ZFP64: variants seen among roughly 807,000 people sequenced by gnomAD.
The protein encoded by ZFP64 is ZFP64 zinc finger protein.
In ZFP64, 14 loss-of-function variants were observed where a neutral mutation model predicts 51.6. The ratio of observed to expected loss-of-function variants is 0.27; its 90% CI spans 0.18 to 0.42. The LOEUF (loss-of-function observed/expected upper bound fraction) is 0.42. ZFP64 is among the 10% of genes least tolerant of loss of function. The pLI, the probability that ZFP64 is intolerant of heterozygous loss-of-function variation, is 1.00. For synonymous variants in ZFP64, 375 were observed against 361.4 expected, an observed-to-expected ratio of 1.04 and a Z score of -0.43; for missense variants, 754 against 906.8, an observed-to-expected ratio of 0.83 and a Z score of 2.16.
chr20:52,088,581 T>C (rs2078889149), exon 8 of ZFP64: 3 of 1,614,224 alleles, frequency 1.9e-6, no homozygotes, highest in Non-Finnish European at 2.5e-6. Context: ...CGCATGTGCA[T>C]GGTCAGGTTG....
intron 5 of ZFP64, among the ~76,000 whole-genome samples, chr20:52,108,160 G>C (rs1041750161): frequency 1.3e-5 from 2 of 152,174 alleles, no homozygotes; most frequent in Admixed American, 1.3e-4. Context: ...TGGAAGCTGA[G>C]GCAGTGAGTC....
intron 5 of ZFP64, among the ~76,000 whole-genome samples, chr20:52,142,380 A>ACACACACACACACGCGCGCGCG (rs1177138816): frequency 4.9e-5 from 4 of 81,458 alleles, no homozygotes; most frequent in Non-Finnish European, 1.1e-4. Context: ...ACACACAGAC[A>ACACACACACACACGCGCGCGCG]CACACACACA....
At position 52,098,314 on chromosome 20, in the gene ZFP64, T is replaced by C. The variant is rs371612405; in HGVS notation, c.913+124A>G. On this transcript the variant is annotated intron_variant, in intron 6 of 8. Coordinates refer to the ZFP64 transcript ENST00000361387. The stretch of plus-strand genomic sequence containing the variant: ...CCCAGGGAAGGCTGTTGTGTGCTGA[T>C]GTAGATACTGGCATGTTGTCAGCAA... 7 of 1,362,042 alleles carry C rather than the reference T, an allele frequency of 5.1e-6. No homozygotes were observed. The African/African-American group carries it at 8.6e-5, about 17-fold the overall frequency. The allele number at this position is 1,362,042 out of a possible 1,614,324, so 84.4% of individuals were successfully genotyped here. A position where few individuals can be genotyped will look rare whatever the true frequency, so the allele number is the denominator to read the frequency against.
At chr20:52,100,000 TTTTC>T (rs1216907054) in intron 5 of ZFP64, among the ~76,000 whole-genome samples, 2 of 152,202 alleles carry the variant, frequency 1.3e-5, no homozygotes, top group Non-Finnish European at 2.9e-5. Flanking sequence ...GTCTGAAGTT[TTTTC>T]TTTTTTTGAG....
At chr20:52,100,433 A>T (rs1226558311) in intron 5 of ZFP64, among the ~76,000 whole-genome samples, 1 of 152,012 alleles carries the variant, frequency 6.6e-6, no homozygotes, top group Non-Finnish European at 1.5e-5. Flanking sequence ...TTTAGTAGAG[A>T]CAGGGTTTCA....
intron 5 of ZFP64, among the ~76,000 whole-genome samples, chr20:52,140,155 C>T (rs1009626720): frequency 1.3e-4 from 20 of 152,126 alleles, no homozygotes; most frequent in Admixed American, 5.9e-4. Flanking sequence ...CCATCTCTCT[C>T]CCTCTATTTG....
chr20:52,173,865 A>G (rs1294768808), intron 2 of ZFP64, among the ~76,000 whole-genome samples: 1 of 151,982 alleles, frequency 6.6e-6, no homozygotes, highest in Non-Finnish European at 1.5e-5. Flanking sequence ...GGTCAGGCTC[A>G]TCTTGAACTC....
At chr20:52,185,883 C>A (rs1983929557) in intron 2 of ZFP64, among the ~76,000 whole-genome samples, 2 of 152,126 alleles carry the variant, frequency 1.3e-5, no homozygotes, top group African/African-American at 2.4e-5. Flanking sequence ...GTCCAGGCTC[C>A]ACTTTGCACT....
intron 2 of ZFP64, among the ~76,000 whole-genome samples, chr20:52,171,416 T>C (rs1268860470): frequency 2.0e-5 from 3 of 152,084 alleles, no homozygotes; most frequent in African/African-American, 4.8e-5. Context: ...TATGCGTATG[T>C]GTATGTGTAT....
intron 5 of ZFP64, among the ~76,000 whole-genome samples, chr20:52,101,494 C>T (rs1466772007): frequency 6.6e-6 from 1 of 152,172 alleles, no homozygotes; most frequent in Non-Finnish European, 1.5e-5. Flanking sequence ...CTCAGCCTCC[C>T]GAATAGCTGG....
intron 2 of ZFP64, among the ~76,000 whole-genome samples, chr20:52,175,619 C>T (rs904442765): frequency 1.3e-5 from 2 of 152,142 alleles, no homozygotes; most frequent in South Asian, 2.1e-4. Flanking sequence ...CCGAGGCGGT[C>T]GGATCCCTTG....
At chr20:52,112,691 C>T (rs907369455) in intron 5 of ZFP64, among the ~76,000 whole-genome samples, 7 of 151,630 alleles carry the variant, frequency 4.6e-5, no homozygotes, top group East Asian at 1.9e-4. Context: ...GTTGGCTCAC[C>T]GCAGTCTCAA....
chr20:52,111,149 C>T (rs1220512596), intron 5 of ZFP64: 3 of 690,882 alleles, frequency 4.3e-6, no homozygotes, highest in Non-Finnish European at 2.6e-6. Flanking sequence ...GGTTCCGCGA[C>T]GGGGAGGTGG....
rs1488406361 is a variant in ZFP64, at chr20:52,160,562, C to G, written c.512-188G>C. Among the ~76,000 whole-genome samples the G allele has an allele frequency of 1.3e-5, 2 of 151,770 alleles. No homozygotes were observed. Among genetic ancestry groups the G allele is most frequent in the East Asian group, 3.9e-4 (2 of 5,188 alleles). On this transcript the variant is annotated intron_variant, in intron 4 of 5. Transcript: ENST00000216923. The surrounding 1 kb of genome is among the most constrained non-coding windows in gnomAD (Gnocchi z 4.2). ...GAGAGGGGAAGTTTCTTCCATGTTCCTTATTGGTATTACTTGAATTTTTAA... is the reference window on the plus strand; with the variant it reads ...GAGAGGGGAAGTTTCTTCCATGTTCGTTATTGGTATTACTTGAATTTTTAA...
Position 52,191,637 on chromosome 20 carries a change from G to T in ZFP64, c.-1C>A. On this transcript the variant is annotated 5_prime_UTR_variant, in exon 1 of 6. Transcript: ENST00000216923. This position sits in a 1 kb window ranked among gnomAD's most constrained non-coding sequence, Gnocchi z 4.3. The stretch of plus-strand genomic sequence containing the variant: ...TCTCGCCCTCGCTGCTCGCGTTCAT[G>T]GCCGCAGACTGGGAGGTCCCCGGCC... The T allele has an allele frequency of 1.3e-6, 2 of 1,588,206 alleles. No homozygotes were observed. The highest frequency in any genetic ancestry group is 1.1e-5 in the South Asian group (1 of 87,412).
intron 1 of ZFP64, among the ~76,000 whole-genome samples, chr20:52,189,611 G>C (rs974616769): frequency 6.6e-6 from 1 of 151,636 alleles, no homozygotes; most frequent in African/African-American, 2.4e-5. Flanking sequence ...GAGTATCTGG[G>C]ATTACAAGCG....
chr20:52,111,124 G>GCAGCCACA (rs1417473148), intron 5 of ZFP64: 1 of 782,218 alleles, frequency 1.3e-6, no homozygotes, highest in African/African-American at 1.7e-5. Flanking sequence ...GGGCACGGCG[G>GCAGCCACA]CAGCCACATC....
At chr20:52,128,774 C>T (rs777879538) in intron 5 of ZFP64, among the ~76,000 whole-genome samples, 1 of 152,194 alleles carries the variant, frequency 6.6e-6, no homozygotes, top group Non-Finnish European at 1.5e-5. Context: ...ACAGTCTTTA[C>T]CACTTTCAAA....
chr20:52,089,550 G>A (rs767142719), intron 7 of ZFP64, among the ~76,000 whole-genome samples: 3 of 151,912 alleles, frequency 2.0e-5, no homozygotes, highest in Non-Finnish European at 2.9e-5. Context: ...AGACCAGACT[G>A]GGCAACATGG....
Sources: allele counts gnomAD v4.1 joint callset (sites outside exome capture counted in the v4.1 genomes callset), GRCh38; gene constraint gnomAD v4.1.1; non-coding constraint Gnocchi (gnomAD v3.1); transcripts MANE v1.5; gene names NCBI Gene and HGNC (gene_info 2026-07-23, HGNC 2026-07-21).